The following PCDHGA1 variants were observed in gnomAD, a reference collection of about 807,000 sequenced individuals.
The protein encoded by PCDHGA1 is protocadherin gamma subfamily A, 1.
PCDHGA1 carries 32 observed loss-of-function variants against 58.0 expected under a neutral mutation model. The ratio of observed to expected loss-of-function variants is 0.55; its 90% CI spans 0.42 to 0.74. The LOEUF (loss-of-function observed/expected upper bound fraction) is 0.74. Among genes scored for constraint, PCDHGA1 ranks in the 30% least tolerant of loss-of-function variants. The pLI is 0.00. For missense variants in PCDHGA1, 1,205 were observed against 1,182.3 expected, an observed-to-expected ratio of 1.02 and a Z score of -0.28; for synonymous variants, 498 against 501.1, an observed-to-expected ratio of 0.99 and a Z score of 0.08.
At chr5:141,412,666 G>C (rs991501719) in intron 1 of PCDHGA1, 3 of 152,120 alleles carry the variant, frequency 2.0e-5, no homozygotes, top group African/African-American at 7.2e-5. Flanking sequence ...ACACTAATAT[G>C]ACCTAAAATA....
chr5:141,409,491 C>T (rs747701093), intron 1 of PCDHGA1: 3 of 1,613,994 alleles, frequency 1.9e-6, no homozygotes, highest in East Asian at 2.2e-5. Flanking sequence ...AGGGGCAAGC[C>T]GCCTCTTTCT....
intron 1 of PCDHGA1, chr5:141,351,085 C>A (rs760611278): frequency 6.2e-7 from 1 of 1,614,034 alleles, no homozygotes; most frequent in Non-Finnish European, 8.5e-7. Context: ...CAGAGATCAC[C>A]TATGCCTTCC....
intron 1 of PCDHGA1, chr5:141,414,096 A>G (rs2095708665): frequency 1.9e-6 from 3 of 1,595,210 alleles, no homozygotes; most frequent in Middle Eastern, 3.3e-4. Context: ...AAATAAAAAT[A>G]TCAGAAAATC....
chr5:141,395,548 G>T (rs869036595), intron 1 of PCDHGA1: 6 of 21,284 alleles, frequency 2.8e-4, no homozygotes, highest in African/African-American at 1.1e-3. Context: ...TTGTTTGTGT[G>T]TGTGTGTGTG....
chr5:141,489,364 G>A lies in PCDHGA1; in HGVS notation c.2422-5443G>A, dbSNP rs2099686163. On this transcript the variant is annotated intron_variant, in intron 1 of 3. Coordinates refer to ENST00000517417, the MANE Select transcript of PCDHGA1 (RefSeq NM_018912.3). The surrounding 1 kb of genome is among the most constrained non-coding windows in gnomAD (Gnocchi z 4.5). The stretch of plus-strand genomic sequence containing the variant: ...CTCAGTGGTGGAGGAGTCTGAGCCG[G>A]GGACGCTGGTGGGGAATGTTGCTCA... 1 of 1,613,450 alleles carries A rather than the reference G, an allele frequency of 6.2e-7. No homozygotes were observed. The highest frequency in any genetic ancestry group is 1.1e-5 in the South Asian group (1 of 91,042).
intron 1 of PCDHGA1, among the ~76,000 whole-genome samples, chr5:141,397,195 GAT>G (rs2093485710): frequency 1.3e-5 from 2 of 152,150 alleles, no homozygotes; most frequent in Admixed American, 1.3e-4. Context: ...TACTGTAAAA[GAT>G]ATGACATAAG....
In PCDHGA1 at chr5:141,365,249, C is replaced by T. The variant is rs1445885867; in HGVS notation, c.2421+32144C>T. On this transcript the variant is annotated intron_variant, in intron 1 of 3. Coordinates refer to ENST00000517417, the MANE Select transcript of PCDHGA1 (RefSeq NM_018912.3). ...GGGGGAAATCTCAACTCTACAATCACTGGACTATGAAGAATCCAGATTCTA... is the reference window on the plus strand; with the variant it reads ...GGGGGAAATCTCAACTCTACAATCATTGGACTATGAAGAATCCAGATTCTA... The T allele has an allele frequency of 2.5e-6, 4 of 1,613,860 alleles. No individual in the cohort carries two copies. In the East Asian group the frequency reaches 8.9e-5, roughly 36 times the overall value.
chr5:141,444,463 G>A (rs570185430), intron 1 of PCDHGA1, among the ~76,000 whole-genome samples: 10 of 152,026 alleles, frequency 6.6e-5, no homozygotes, highest in Admixed American at 1.3e-4. Context: ...GAGTCACTGC[G>A]CCCGGTCGCG....
chr5:141,423,513 G>C, intron 1 of PCDHGA1: 3 of 1,613,750 alleles, frequency 1.9e-6, no homozygotes, highest in Non-Finnish European at 1.7e-6. Flanking sequence ...CTCTCATTGC[G>C]GACTCGCAGA....
chr5:141,394,521 G>A (rs761808641), intron 1 of PCDHGA1: 5 of 1,614,212 alleles, frequency 3.1e-6, no homozygotes, highest in Non-Finnish European at 4.2e-6. Flanking sequence ...CCTCCCCACA[G>A]ACGGTTCCAC....
At chr5:141,339,221 T>C in intron 1 of PCDHGA1, 1 of 1,614,190 alleles carries the variant, frequency 6.2e-7, no homozygotes, top group Non-Finnish European at 8.5e-7. Context: ...AAGCGGCAGC[T>C]TGGTCACTGC....
chr5:141,385,339 C>T (rs1379260130), intron 1 of PCDHGA1: 1 of 1,570,014 alleles, frequency 6.4e-7, no homozygotes, highest in African/African-American at 1.4e-5. Flanking sequence ...CCCAGCCCTT[C>T]CTTTATTTCC....
At chr5:141,423,237 C>A in intron 1 of PCDHGA1, 1 of 1,613,916 alleles carries the variant, frequency 6.2e-7, no homozygotes, top group Non-Finnish European at 8.5e-7. Context: ...ACAGCATCCC[C>A]GAAGTCCTGG....
intron 1 of PCDHGA1, among the ~76,000 whole-genome samples, chr5:141,465,788 T>A (rs1322471400): frequency 6.6e-6 from 1 of 152,110 alleles, no homozygotes; most frequent in Non-Finnish European, 1.5e-5. Context: ...AGTTTTTTTT[T>A]TTTTAAGAAA....
Position 141,332,680 on chromosome 5 carries a change from G to A in PCDHGA1, c.1996G>A (p.Asp666Asn). ...TGTCACGCTCACCGTGGCCGTGGCC[G>A]ACAGGATCTCCGACATCCTGGCCGA... ...ATVTLTVAVA[D>N]RISDILADLG... Residue 666 changes from aspartate (D) to asparagine (N), a missense_variant, in exon 1 of 4, where the codon GAC (aspartate) becomes AAC (asparagine). Coordinates refer to ENST00000517417, the MANE Select transcript of PCDHGA1 (RefSeq NM_018912.3). This position sits in a 1 kb window ranked among gnomAD's most constrained non-coding sequence, Gnocchi z 4.6. The A allele has an allele frequency of 6.2e-7, 1 of 1,613,764 alleles. No homozygotes were observed. Among genetic ancestry groups the A allele is most frequent in the Non-Finnish European group, 8.5e-7 (1 of 1,179,944 alleles).
Position 141,485,447 on chromosome 5 carries a change from C to G in PCDHGA1, c.2422-9360C>G, listed in dbSNP as rs1233800346. 6.2e-7 allele frequency: 1 copy of G among 1,614,144 alleles called. No individual in the cohort carries two copies. The highest frequency in any genetic ancestry group is 8.5e-7 in the Non-Finnish European group (1 of 1,180,036). On this transcript the variant is annotated intron_variant, in intron 1 of 3. Transcript: ENST00000517417. This position sits in a 1 kb window ranked among gnomAD's most constrained non-coding sequence, Gnocchi z 5.7. ...CCTGCTCATCAAGAACCCAATCGAC[C>G]GAGAGGCACTGTGTGGGCTCAGTGC... is the stretch of plus-strand genomic sequence containing the variant.
Position 141,418,514 on chromosome 5 carries a change from G to A in PCDHGA1, c.2422-76293G>A. Reference sequence around the variant, plus strand: ...GGTACTGACCGCCTTAGATGGTGGGGACCCTCCCCGAAGCGGTACTGCTCA... The same window carrying A: ...GGTACTGACCGCCTTAGATGGTGGGAACCCTCCCCGAAGCGGTACTGCTCA... On this transcript the variant is annotated intron_variant, in intron 1 of 3. Transcript: ENST00000517417. 1 of 1,613,996 alleles carries A rather than the reference G, an allele frequency of 6.2e-7. No homozygotes were observed.
chr5:141,372,473 A>G lies in PCDHGA1; in HGVS notation c.2421+39368A>G, dbSNP rs780091616. 54 of 1,613,996 alleles carry G rather than the reference A, an allele frequency of 3.3e-5. 1 individual carries two copies. The South Asian group carries it at 3.6e-4, about 11-fold the overall frequency. On this transcript the variant is annotated intron_variant, in intron 1 of 3. Transcript: ENST00000517417. ...AGGCGGAGCTACAGTTTCACCTAGT[A>G]GTGGCGTTGGCCTTGATCTCAGTGC... is the stretch of plus-strand genomic sequence containing the variant.
intron 1 of PCDHGA1, among the ~76,000 whole-genome samples, chr5:141,437,036 G>A (rs916860661): frequency 6.6e-6 from 1 of 152,294 alleles, no homozygotes; most frequent in Middle Eastern, 3.4e-3. Flanking sequence ...ATGGATCACC[G>A]AAACCAGAAG....
Sources: allele counts gnomAD v4.1 joint callset (sites outside exome capture counted in the v4.1 genomes callset), GRCh38; gene constraint gnomAD v4.1.1; non-coding constraint Gnocchi (gnomAD v3.1); transcripts MANE v1.5; gene names NCBI Gene and HGNC (gene_info 2026-07-23, HGNC 2026-07-21).